The following NLRC5 variants were observed in gnomAD, a reference collection of about 807,000 sequenced individuals.
The protein encoded by NLRC5 is protein NLRC5.
In NLRC5, 114 loss-of-function variants were observed where a neutral mutation model predicts 206.9. The observed-to-expected ratio is 0.55, with a 90% CI of 0.47 to 0.64. The LOEUF is 0.64. NLRC5 is among the 30% of genes least tolerant of loss of function. NLRC5 has a pLI of 0.00. For missense variants in NLRC5, 2,008 were observed against 2,305.5 expected, an observed-to-expected ratio of 0.87 and a Z score of 2.64; for synonymous variants, 952 against 962.8, an observed-to-expected ratio of 0.99 and a Z score of 0.21.
At chr16:57,056,021 C>A (rs1481250520) in intron 27 of NLRC5, among the ~76,000 whole-genome samples, 1 of 152,212 alleles carries the variant, frequency 6.6e-6, no homozygotes, top group Non-Finnish European at 1.5e-5. Flanking sequence ...CTCCACTGTT[C>A]TAAGTGCTTG....
rs979586689 is a variant in NLRC5 at position 57,082,519 on chromosome 16, G to A, written c.5592G>A (p.Trp1864Ter). 3 of 1,612,702 alleles carry A rather than the reference G, an allele frequency of 1.9e-6. No individual in the cohort carries two copies. The highest frequency in any genetic ancestry group is 2.5e-6 in the Non-Finnish European group (3 of 1,179,132). ...TTGACAACCAGCCCCAGGCCCCTTG[G>A]GGTACTTGATGGCCCCCTCAAGACC... ...AFFDNQPQAP[W>*]GT is the part of the protein sequence containing the mutation. The change falls in exon 49 of 49, where the codon TGG becomes TGA. Residue 1864 changes from tryptophan to a stop codon, truncating the protein, a stop_gained. Transcript: ENST00000688547. LOFTEE classifies it high-confidence loss of function.
rs147480228 is a variant in NLRC5 at position 57,061,627 on chromosome 16, G to C, written c.4080G>C (p.Gln1360His). ...SLQLTELTLT[Q>H]CCLGQKQLAI... ...TGACCTCTGTCTCCAGGCTGACCCAGTGCTGCCTGGGCCAGAAGCAGCTGG... is the reference window on the plus strand; with the variant it reads ...TGACCTCTGTCTCCAGGCTGACCCACTGCTGCCTGGGCCAGAAGCAGCTGG... Residue 1360 changes from glutamine (Q) to histidine (H), a missense_variant, in exon 32 of 49, where the codon CAG becomes CAC. Coordinates refer to ENST00000688547, the MANE Select transcript of NLRC5 (RefSeq NM_001384950.1). 751 of 1,610,460 alleles carry C rather than the reference G, an allele frequency of 4.7e-4. 3 individuals carry two copies. The African/African-American group carries it at 9.1e-3, about 20-fold the overall frequency.
chr16:57,050,932 A>C (rs770569905), intron 23 of NLRC5, among the ~76,000 whole-genome samples: 1 of 152,090 alleles, frequency 6.6e-6, no homozygotes, highest in African/African-American at 2.4e-5. Flanking sequence ...GGCTCACTGC[A>C]ACCTCTGCCT....
At chr16:57,043,866 T>C in intron 20 of NLRC5, 2 of 543,580 alleles carry the variant, frequency 3.7e-6, no homozygotes, top group Non-Finnish European at 6.6e-6. Flanking sequence ...CACTCGTTCT[T>C]TGGATAGTCC....
At chr16:57,033,536 G>C (rs2062120888) in intron 11 of NLRC5, 68 bp from the exon 12 acceptor site, 2 of 1,509,582 alleles carry the variant, frequency 1.3e-6, no homozygotes, top group South Asian at 2.2e-5. Flanking sequence ...AGAAGCCAAG[G>C]AAAGAGGCTT....
At chr16:57,063,106 CTTTTTTTT>C (rs34897333) in intron 32 of NLRC5, among the ~76,000 whole-genome samples, 1 of 95,068 alleles carries the variant, frequency 1.1e-5, no homozygotes, top group Non-Finnish European at 1.9e-5. Flanking sequence ...ACTTTCCTTC[CTTTTTTTT>C]TTTTTTTTTT....
At chr16:57,051,708 C>A (rs576699239) in intron 24 of NLRC5, 87 bp downstream of exon 24, 95 of 977,224 alleles carry the variant, frequency 9.7e-5, no homozygotes, top group Admixed American at 4.5e-4. Flanking sequence ...TGCCCTCTAA[C>A]CCCTCAACCC....
intron 36 of NLRC5, 123 bp from the exon 37 acceptor site, chr16:57,069,713 G>A: frequency 2.7e-6 from 2 of 735,296 alleles, no homozygotes; most frequent in Non-Finnish European, 4.8e-6. Flanking sequence ...CGAAGGGAAG[G>A]AGGTCTCCTC....
intron 2 of NLRC5, among the ~76,000 whole-genome samples, chr16:57,020,226 G>T (rs1336420031): frequency 7.0e-6 from 1 of 143,394 alleles, no homozygotes; most frequent in Non-Finnish European, 1.5e-5. Flanking sequence ...CTGCCCTCAG[G>T]TCACCTGCCC....
chr16:57,067,288 T>C (rs756681433), intron 34 of NLRC5, 99 bp from the exon 35 acceptor site: 6 of 947,034 alleles, frequency 6.3e-6, no homozygotes, highest in Non-Finnish European at 1.0e-5. Context: ...TTGATCAGCA[T>C]TTATTTACCC....
chr16:57,065,708 C>G (rs2067006024), intron 33 of NLRC5, among the ~76,000 whole-genome samples: 1 of 152,196 alleles, frequency 6.6e-6, no homozygotes. Context: ...CCAACTCAGT[C>G]ACTTACTGGT....
chr16:57,061,792 C>T, intron 32 of NLRC5, 91 bp downstream of exon 32: 1 of 1,550,644 alleles, frequency 6.4e-7, no homozygotes, highest in Non-Finnish European at 8.7e-7. Context: ...GGATCATGGC[C>T]CCAGTCATTT....
In NLRC5 at chr16:57,022,332, G is replaced by C. The variant is rs773424674; in HGVS notation, c.355+17G>C. ...TCCACCATGGTGAGGACTGGAGTTG[G>C]GGGGTGGGAAGGGGGTGGTGAGCAC... On this transcript the variant is annotated intron_variant, in intron 4 of 48. Transcript: ENST00000688547. The C allele has an allele frequency of 1.9e-6, 3 of 1,603,616 alleles. No homozygotes were observed. Among genetic ancestry groups the C allele is most frequent in the African/African-American group, 1.3e-5 (1 of 74,770 alleles).
chr16:57,081,256 G>T (rs2069110282), intron 47 of NLRC5, 75 bp downstream of exon 47: 2 of 1,393,832 alleles, frequency 1.4e-6, no homozygotes, highest in East Asian at 5.0e-5. Flanking sequence ...AGGCCACTGG[G>T]TCAGTCCCCT....
At chr16:57,009,044 G>A (rs929461208) in intron 1 of NLRC5, among the ~76,000 whole-genome samples, 3 of 152,204 alleles carry the variant, frequency 2.0e-5, no homozygotes, top group Admixed American at 2.0e-4. Flanking sequence ...TGTAATCCCA[G>A]CACTTTGGGA....
chr16:57,052,937 G>A (rs2065127031), intron 24 of NLRC5: 1 of 152,318 alleles, frequency 6.6e-6, no homozygotes, highest in African/African-American at 2.4e-5. Context: ...TCCGCCTTTG[G>A]AGTGGCGTGG....
chr16:57,076,806 C>G lies in NLRC5; in HGVS notation c.4752-13C>G. On this transcript the variant is annotated splice_polypyrimidine_tract_variant and intron_variant, in intron 39 of 48. Coordinates refer to ENST00000688547, the MANE Select transcript of NLRC5 (RefSeq NM_001384950.1). ...CTCCTGAAAGCCTCTTGGTCTATTC[C>G]CTGCTTTTCCAGACTGAACAGGAAC... The G allele has an allele frequency of 6.2e-7, 1 of 1,613,814 alleles. No homozygotes were observed. The highest frequency in any genetic ancestry group is 1.1e-5 in the South Asian group (1 of 91,088).
Position 57,037,137 on chromosome 16 carries a change from G to A in NLRC5, c.2712-58G>A. Reference sequence around the variant, plus strand: ...TGAGCCACAGGGAGGGGCTAGAGCTGGCTGGGGCTGGGTACCTCAGCCACA... The same window carrying A: ...TGAGCCACAGGGAGGGGCTAGAGCTAGCTGGGGCTGGGTACCTCAGCCACA... On this transcript the variant is annotated intron_variant, in intron 14 of 48. Coordinates refer to ENST00000688547, the MANE Select transcript of NLRC5 (RefSeq NM_001384950.1). 4.9e-6 allele frequency: 7 copies of A among 1,414,380 alleles called. No individual in the cohort carries two copies. The South Asian group carries it at 8.0e-5, about 16-fold the overall frequency. The allele number at this position is 1,414,380 out of a possible 1,614,324, so 87.6% of individuals were successfully genotyped here.
intron 1 of NLRC5, 36 bp from the exon 2 acceptor site, chr16:57,017,038 A>C (rs1199346979): frequency 1.3e-5 from 2 of 152,810 alleles, no homozygotes; most frequent in African/African-American, 4.8e-5. Flanking sequence ...GGAGTCTGGA[A>C]TAGTGGGGAA....
Sources: gnomAD v4.1 joint callset for allele counts (sites outside exome capture counted in the v4.1 genomes callset) on GRCh38, gnomAD v4.1.1 for gene constraint, MANE v1.5 for transcripts, NCBI Gene and HGNC (gene_info 2026-07-23, HGNC 2026-07-21) for gene names.